PCYT1B: variants seen among roughly 807,000 people sequenced by gnomAD.
The protein encoded by PCYT1B is choline-phosphate cytidylyltransferase B.
PCYT1B carries 10 observed loss-of-function variants against 26.4 expected under a neutral mutation model. The observed-to-expected ratio is 0.38, with a 90% CI of 0.23 to 0.64. The LOEUF (loss-of-function observed/expected upper bound fraction) is 0.64. PCYT1B is among the 30% of genes least tolerant of loss of function. The pLI is 0.56. For synonymous variants in PCYT1B, 131 were observed against 108.4 expected, an observed-to-expected ratio of 1.21 and a Z score of -1.29; for missense variants, 161 against 292.7, an observed-to-expected ratio of 0.55 and a Z score of 3.28.
At chrX:24,588,627 A>C (rs1193410692) in intron 4 of PCYT1B, among the ~76,000 whole-genome samples, 11 of 111,485 alleles carry the variant, frequency 9.9e-5, no homozygotes, top group Non-Finnish European at 2.1e-4. Context: ...GGAAAGATTC[A>C]ATTAGGATTT....
chrX:24,670,109 A>G (rs56010332), intron 1 of PCYT1B, among the ~76,000 whole-genome samples: 3,368 of 23,797 alleles, frequency 0.14, 88 homozygotes, highest in African/African-American at 0.16. Context: ...AGAAAGAAAG[A>G]AAGAAAGGAA....
At chrX:24,607,622 G>T in intron 3 of PCYT1B, 123 bp downstream of exon 3, 1 of 454,584 alleles carries the variant, frequency 2.2e-6, no homozygotes, top group Non-Finnish European at 3.9e-6. Context: ...AAGCGAGCCA[G>T]TATGGGCTGA....
chrX:24,668,443 T>C (rs1927171709), intron 1 of PCYT1B, among the ~76,000 whole-genome samples: 1 of 111,544 alleles, frequency 9.0e-6, no homozygotes, highest in Admixed American at 9.5e-5. Context: ...GTATTCGCTG[T>C]AGAAAATCGG....
At chrX:24,645,979 T>C (rs773341054) in intron 1 of PCYT1B, among the ~76,000 whole-genome samples, 72 of 111,932 alleles carry the variant, frequency 6.4e-4, no homozygotes, top group African/African-American at 2.2e-3. Flanking sequence ...AATCCTTTTT[T>C]AAAAAACTCT....
At chrX:24,587,347 A>G in intron 4 of PCYT1B, 28 bp from the exon 5 acceptor site, 4 of 1,015,880 alleles carry the variant, frequency 3.9e-6, no homozygotes, top group Non-Finnish European at 4.2e-6. Context: ...GAGTGATGTC[A>G]CCACTGGGAT....
At chrX:24,578,184 T>TA (rs1235317207) in intron 6 of PCYT1B, among the ~76,000 whole-genome samples, 1 of 111,544 alleles carries the variant, frequency 9.0e-6, no homozygotes, top group African/African-American at 3.3e-5. Flanking sequence ...TCATGTCCTT[T>TA]GCAGGGACGT....
At chrX:24,592,014 C>T (rs1288036122) in intron 3 of PCYT1B, among the ~76,000 whole-genome samples, 2 of 111,202 alleles carry the variant, frequency 1.8e-5, no homozygotes, top group African/African-American at 6.5e-5. Context: ...CTAACTGTAA[C>T]TTGGTACTCG....
chrX:24,583,772 A>G (rs1208142792), intron 5 of PCYT1B, among the ~76,000 whole-genome samples: 1 of 111,797 alleles, frequency 8.9e-6, no homozygotes, highest in Non-Finnish European at 1.9e-5. Context: ...CCTGGGGATA[A>G]CTCAGCTGGA....
chrX:24,588,412 C>T (rs1268498959), intron 4 of PCYT1B, among the ~76,000 whole-genome samples: 1 of 111,267 alleles, frequency 9.0e-6, no homozygotes, highest in Non-Finnish European at 1.9e-5. Context: ...CATCTTTATT[C>T]CTGTTTCCTG....
rs60562762 is a variant in PCYT1B at position 24,669,501 on chromosome X, G to GAA, written c.63+3067_63+3068dup. The stretch of plus-strand genomic sequence containing the variant: ...GGTGACAGAGTGAGACTTCGTCTCA[G>GAA]AAAAAAAAAAAAAAAAAAAAAAAAA... On this transcript the variant is annotated intron_variant, in intron 1 of 7. Transcript: ENST00000379145. Among the ~76,000 whole-genome samples, 21 of 31,551 alleles carry GAA rather than the reference G, an allele frequency of 6.7e-4. 1 individual carries two copies. Among genetic ancestry groups the GAA allele is most frequent in the South Asian group, 3.7e-3 (1 of 268 alleles). 27.4% of individuals were successfully genotyped at this position (31,551 alleles called of 115,157 possible).
At chrX:24,636,648 A>G (rs776701163) in intron 1 of PCYT1B, among the ~76,000 whole-genome samples, 2 of 112,296 alleles carry the variant, frequency 1.8e-5, no homozygotes, top group African/African-American at 3.2e-5. Context: ...AGTGCAGCTC[A>G]ATGGACTTTC....
chrX:24,647,359 T>C (rs986218206), upstream of PCYT1B: 3 of 829,979 alleles, frequency 3.6e-6, no homozygotes, highest in Non-Finnish European at 4.6e-6. Flanking sequence ...AAGCGGCTGG[T>C]GCGGGATACA....
chrX:24,656,233 G>GC (rs1555966033), intron 1 of PCYT1B, among the ~76,000 whole-genome samples: 3 of 100,566 alleles, frequency 3.0e-5, no homozygotes, highest in Non-Finnish European at 4.0e-5. Context: ...GGGTCGCGGG[G>GC]GGGGGTGGTA....
chrX:24,573,586 T>C (rs1225273517), intron 7 of PCYT1B, among the ~76,000 whole-genome samples: 1 of 111,147 alleles, frequency 9.0e-6, no homozygotes, highest in Admixed American at 9.7e-5. Flanking sequence ...CCACTAGTTG[T>C]TTCTTTAGAG....
At chrX:24,613,736 C>T (rs1218971577) in intron 2 of PCYT1B, among the ~76,000 whole-genome samples, 5 of 109,372 alleles carry the variant, frequency 4.6e-5, no homozygotes, top group Non-Finnish European at 5.7e-5. Context: ...ATAGATGGCT[C>T]GAGCCCAGGA....
At chrX:24,578,957 T>C (rs1411537850) in intron 6 of PCYT1B, among the ~76,000 whole-genome samples, 1 of 110,631 alleles carries the variant, frequency 9.0e-6, no homozygotes, top group Non-Finnish European at 1.9e-5. Flanking sequence ...ACATCATGGG[T>C]TATTGTGTGG....
At chrX:24,571,225 G>A (rs990932396) in intron 7 of PCYT1B, among the ~76,000 whole-genome samples, 18 of 111,117 alleles carry the variant, frequency 1.6e-4, no homozygotes, top group African/African-American at 4.6e-4. Context: ...TTAGCCGGGC[G>A]TGGTAGCACA....
intron 1 of PCYT1B, among the ~76,000 whole-genome samples, 187 bp downstream of exon 1, chrX:24,646,802 T>C (rs1483148495): frequency 9.0e-6 from 1 of 111,537 alleles, no homozygotes; most frequent in Non-Finnish European, 1.9e-5. Context: ...ACAATAACGC[T>C]TTGTAAACTG....
chrX:24,617,662 G>A (rs1925557932), intron 2 of PCYT1B, among the ~76,000 whole-genome samples: 1 of 109,674 alleles, frequency 9.1e-6, no homozygotes, highest in South Asian at 3.9e-4. Flanking sequence ...TGGCCAGGCT[G>A]GTCTGGAACT....
Sources: allele counts gnomAD v4.1 joint callset (sites outside exome capture counted in the v4.1 genomes callset), GRCh38; gene constraint gnomAD v4.1.1; transcripts MANE v1.5; gene names NCBI Gene and HGNC (gene_info 2026-07-23, HGNC 2026-07-21).